The following PCDH15 variants were observed in gnomAD, a reference collection of about 807,000 sequenced individuals.
PCDH15 encodes protocadherin related 15.
A neutral mutation model predicts 178.5 loss-of-function variants in PCDH15; 129 were observed. That is an observed-to-expected ratio of 0.72 (90% CI 0.63 to 0.84). The LOEUF (loss-of-function observed/expected upper bound fraction) is 0.84. Ranked by LOEUF, PCDH15 falls within the 40% of genes least tolerant of loss-of-function variation. The pLI is 0.00. For missense variants in PCDH15, 2,230 were observed against 2,099.9 expected (o/e 1.06, Z -1.21); for synonymous variants, 800 against 732.0 (o/e 1.09, Z -1.50).
intron 2 of PCDH15, among the ~76,000 whole-genome samples, chr10:55,329,212 A>T (rs1316191829): frequency 1.7e-5 from 1 of 58,930 alleles, no homozygotes; most frequent in East Asian, 2.3e-4. Context: ...GGGATCTGGG[A>T]ATTCAAATTA....
intron 14 of PCDH15, among the ~76,000 whole-genome samples, chr10:54,151,459 T>C (rs753329258): frequency 2.9e-4 from 44 of 152,072 alleles, no homozygotes; most frequent in Non-Finnish European, 5.9e-4. Context: ...GCAGATTGCA[T>C]GAGCCCAGAG....
chr10:54,490,167 A>G (rs2079449295), intron 3 of PCDH15, among the ~76,000 whole-genome samples: 1 of 152,150 alleles, frequency 6.6e-6, no homozygotes. Flanking sequence ...AAGTTAGCAT[A>G]TGGCTGAGCA....
intron 2 of PCDH15, among the ~76,000 whole-genome samples, chr10:55,056,497 T>C (rs989099710): frequency 6.8e-6 from 1 of 146,970 alleles, no homozygotes; most frequent in Admixed American, 6.9e-5. Flanking sequence ...GTGCTCCTCA[T>C]AGAAATTCTT....
At chr10:55,592,055 G>A (rs1311146005) in intron 2 of PCDH15, among the ~76,000 whole-genome samples, 2 of 152,052 alleles carry the variant, frequency 1.3e-5, no homozygotes, top group Non-Finnish European at 2.9e-5. Flanking sequence ...TATACATAAC[G>A]TATTTCTAGT....
At chr10:54,032,410 A>T (rs995073599) in intron 18 of PCDH15, among the ~76,000 whole-genome samples, 2 of 151,978 alleles carry the variant, frequency 1.3e-5, no homozygotes, top group Non-Finnish European at 2.9e-5. Flanking sequence ...TTTATATCAT[A>T]CAATGCCTGC....
chr10:54,683,985 T>G (rs1316984877), intron 1 of PCDH15, among the ~76,000 whole-genome samples: 1 of 152,012 alleles, frequency 6.6e-6, no homozygotes, highest in South Asian at 2.1e-4. Context: ...ATAGGCTTTT[T>G]GAGATACTAA....
At chr10:54,012,707 C>CA (rs1029314532) in intron 20 of PCDH15, among the ~76,000 whole-genome samples, 2 of 151,884 alleles carry the variant, frequency 1.3e-5, no homozygotes, top group East Asian at 3.9e-4. Context: ...GCTTCATAGG[C>CA]AAAAAAGAAA....
intron 3 of PCDH15, among the ~76,000 whole-genome samples, chr10:54,828,968 A>G (rs1266345741): frequency 1.3e-5 from 2 of 152,018 alleles, no homozygotes; most frequent in African/African-American, 4.8e-5. Context: ...CACACCCTCA[A>G]GTGGAAAGAT....
At chr10:55,264,674 C>T (rs1842233955) in intron 1 of PCDH15, among the ~76,000 whole-genome samples, 1 of 152,166 alleles carries the variant, frequency 6.6e-6, no homozygotes, top group Admixed American at 6.5e-5. Flanking sequence ...GCTTATACTC[C>T]TCCGGAGTGT....
chr10:55,235,331 A>T (rs1299357017), intron 1 of PCDH15, among the ~76,000 whole-genome samples: 1 of 152,000 alleles, frequency 6.6e-6, no homozygotes, highest in Non-Finnish European at 1.5e-5. Context: ...AAAAATTTCC[A>T]TTCGTAACTT....
At chr10:54,900,878 G>A (rs570002422) in intron 2 of PCDH15, among the ~76,000 whole-genome samples, 1 of 152,072 alleles carries the variant, frequency 6.6e-6, no homozygotes, top group African/African-American at 2.4e-5. Context: ...TGTAATTAGA[G>A]TATTATGATA....
At chr10:54,854,271 C>G (rs1432682597) in intron 3 of PCDH15, among the ~76,000 whole-genome samples, 2 of 152,184 alleles carry the variant, frequency 1.3e-5, no homozygotes, top group Non-Finnish European at 2.9e-5. Context: ...GAGGGAGTCA[C>G]AGCCCTGACT....
At chr10:55,048,785 T>C (rs1841079830) in intron 2 of PCDH15, among the ~76,000 whole-genome samples, 1 of 152,004 alleles carries the variant, frequency 6.6e-6, no homozygotes, top group African/African-American at 2.4e-5. Context: ...TCAGCATTTG[T>C]ATTATTTCAG....
At chr10:54,757,276 C>CTTTTTTTTTT (rs57411772) in intron 1 of PCDH15, among the ~76,000 whole-genome samples, 5 of 34,180 alleles carry the variant, frequency 1.5e-4, no homozygotes, top group Admixed American at 4.5e-4. Flanking sequence ...AGAATTCTAC[C>CTTTTTTTTTT]TTTTTTTTTT....
chr10:54,196,564 A>G (rs1393271672), intron 10 of PCDH15, among the ~76,000 whole-genome samples: 1 of 152,240 alleles, frequency 6.6e-6, no homozygotes, highest in Non-Finnish European at 1.5e-5. Flanking sequence ...TAAAAGAAAA[A>G]AAGTAACACA....
chr10:54,087,642 G>T (rs1028356880), intron 16 of PCDH15, among the ~76,000 whole-genome samples: 2 of 152,130 alleles, frequency 1.3e-5, no homozygotes, highest in African/African-American at 4.8e-5. Flanking sequence ...GTAGATGCAC[G>T]TCTTCATTTC....
intron 2 of PCDH15, among the ~76,000 whole-genome samples, chr10:54,965,060 G>A (rs1346303220): frequency 6.6e-6 from 1 of 152,158 alleles, no homozygotes; most frequent in Non-Finnish European, 1.5e-5. Flanking sequence ...TTAGCTATAA[G>A]CTGCATATTA....
chr10:55,145,989 G>C (rs189572000), intron 2 of PCDH15, among the ~76,000 whole-genome samples: 3 of 151,626 alleles, frequency 2.0e-5, no homozygotes, highest in Admixed American at 1.3e-4. Flanking sequence ...CCATAAACAG[G>C]AATATCTTTC....
At position 54,589,787 on chromosome 10, in the gene PCDH15, G is replaced by A. The variant is rs148913476; in HGVS notation, c.92-61910C>T. Among the ~76,000 whole-genome samples, 517 of 152,126 alleles carry A rather than the reference G, an allele frequency of 3.4e-3. 1 individual carries two copies. The highest frequency in any genetic ancestry group is 7.5e-3 in the South Asian group (36 of 4,820). On this transcript the variant is annotated intron_variant, in intron 2 of 37. Coordinates refer to ENST00000644397, the MANE Select transcript of PCDH15 (RefSeq NM_001384140.1). ...TAATTTTTCTATTTTTAGTAGAGAC[G>A]GGCTTTCACTATGTTAACCAGGGTG...
Sources: gnomAD v4.1 joint callset for allele counts (sites outside exome capture counted in the v4.1 genomes callset) on GRCh38, gnomAD v4.1.1 for gene constraint, MANE v1.5 for transcripts, NCBI Gene and HGNC (gene_info 2026-07-23, HGNC 2026-07-21) for gene names.